The following PIAS2 variants were observed in gnomAD, a reference collection of about 807,000 sequenced individuals.
PIAS2 encodes the protein E3 SUMO-protein ligase PIAS2.
Under a neutral mutation model 69.7 loss-of-function variants are expected in PIAS2, and 19 were observed. That is an observed-to-expected ratio of 0.27 (90% CI 0.19 to 0.40). The LOEUF (loss-of-function observed/expected upper bound fraction) is 0.40. Ranked by LOEUF, PIAS2 falls within the 10% of genes least tolerant of loss-of-function variation. PIAS2 has a pLI of 1.00. For missense variants in PIAS2, 624 were observed against 757.0 expected, an observed-to-expected ratio of 0.82 and a Z score of 2.06; for synonymous variants, 261 against 263.2, an observed-to-expected ratio of 0.99 and a Z score of 0.08.
chr18:46,838,247 A>G (rs1197933648), intron 8 of PIAS2, among the ~76,000 whole-genome samples: 2 of 152,254 alleles, frequency 1.3e-5, no homozygotes, highest in African/African-American at 4.8e-5. Context: ...TGCAAGGTAC[A>G]GTGTTGACTA....
At chr18:46,893,553 A>T (rs2054382801) in intron 1 of PIAS2, 1 of 487,370 alleles carries the variant, frequency 2.1e-6, no homozygotes, top group South Asian at 8.9e-5. Flanking sequence ...AGACAAACAA[A>T]AAGTAAGAAA....
At chr18:46,894,012 G>A (rs914438836) in intron 1 of PIAS2, among the ~76,000 whole-genome samples, 1 of 152,096 alleles carries the variant, frequency 6.6e-6, no homozygotes, top group African/African-American at 2.4e-5. Context: ...TGTAGTCCCT[G>A]CTACTCGGGA....
At chr18:46,867,904 G>A (rs1451279236) in intron 2 of PIAS2, among the ~76,000 whole-genome samples, 2 of 152,132 alleles carry the variant, frequency 1.3e-5, no homozygotes, top group South Asian at 4.1e-4. Context: ...CTTGCTCTGT[G>A]GGGACACTCA....
chr18:46,897,037 C>G lies in PIAS2; in HGVS notation c.25-5983G>C, dbSNP rs138975253. Reference sequence around the variant, plus strand: ...CTTCTGAAGCTGTGTACTGGGGACACGAAGAATTTTCTATCATTGTAAATT... The same window carrying G: ...CTTCTGAAGCTGTGTACTGGGGACAGGAAGAATTTTCTATCATTGTAAATT... On this transcript the variant is annotated intron_variant, in intron 1 of 13. Coordinates refer to ENST00000585916, the MANE Select transcript of PIAS2 (RefSeq NM_004671.5). 2.4e-3 allele frequency among the ~76,000 whole-genome samples: 358 copies of G among 152,094 alleles called. 2 individuals are homozygous for G. The highest frequency in any genetic ancestry group is 8.2e-3 in the African/African-American group (340 of 41,478).
At chr18:46,825,340 G>C (rs188285908) in intron 11 of PIAS2, among the ~76,000 whole-genome samples, 1 of 152,174 alleles carries the variant, frequency 6.6e-6, no homozygotes, top group Non-Finnish European at 1.5e-5. Flanking sequence ...TGGGACAAAA[G>C]ATTAAATTTC....
Position 46,917,353 on chromosome 18 carries a change from C to T in PIAS2, c.-8G>A, listed in dbSNP as rs1265805153. ...CTCTTCGAAATCCGCCATTTTATAC[C>T]ACCCGCGGGCGCCGCCGCCGCTGCC... is the stretch of plus-strand genomic sequence containing the variant. On this transcript the variant is annotated 5_prime_UTR_variant, in exon 1 of 14. Transcript: ENST00000585916. The T allele has an allele frequency of 6.8e-7, 1 of 1,466,578 alleles. No homozygotes were observed. Among genetic ancestry groups the T allele is most frequent in the South Asian group, 1.3e-5 (1 of 77,100 alleles). The allele number at this position is 1,466,578 out of a possible 1,614,324, so 90.8% of individuals were successfully genotyped here.
At chr18:46,817,203 G>GTATC (rs766876440) in intron 12 of PIAS2, 65 of 964,472 alleles carry the variant, frequency 6.7e-5, no homozygotes, top group Non-Finnish European at 7.9e-5. Flanking sequence ...AATATTTGCT[G>GTATC]TATCTCTCAG....
intron 13 of PIAS2, among the ~76,000 whole-genome samples, chr18:46,813,624 G>A (rs1430715565): frequency 6.6e-6 from 1 of 152,104 alleles, no homozygotes; most frequent in African/African-American, 2.4e-5. Flanking sequence ...TAGAGACACT[G>A]GATTATGGAA....
chr18:46,889,398 C>T (rs1385765808), intron 2 of PIAS2, among the ~76,000 whole-genome samples: 1 of 151,994 alleles, frequency 6.6e-6, no homozygotes, highest in Non-Finnish European at 1.5e-5. Flanking sequence ...AACAATAAAA[C>T]AAACCAATTC....
chr18:46,818,033 A>T, intron 12 of PIAS2: 1 of 990,596 alleles, frequency 1.0e-6, no homozygotes, highest in Non-Finnish European at 1.2e-6. Flanking sequence ...GAAAATGCTC[A>T]ATTACTTTTA....
intron 2 of PIAS2, among the ~76,000 whole-genome samples, chr18:46,874,166 G>A (rs778304318): frequency 2.6e-5 from 4 of 152,148 alleles, no homozygotes; most frequent in East Asian, 1.9e-4. Context: ...ACTAATAAGC[G>A]AATCCTAAGA....
At position 46,805,323 on chromosome 18, in the gene PIAS2, A is replaced by G. The variant is rs1413203738; in HGVS notation, c.*7110T>C. On this transcript the variant is annotated 3_prime_UTR_variant, in exon 14 of 14. Coordinates refer to ENST00000585916, the MANE Select transcript of PIAS2 (RefSeq NM_004671.5). ...GAAAATGCTGGAGGTAAAGTAACCA[A>G]TACCTCACAGACCAACTTGGATAAA... is the stretch of plus-strand genomic sequence containing the variant. 3 of 152,262 alleles carry G rather than the reference A, an allele frequency of 2.0e-5. No individual in the cohort carries two copies. The highest frequency in any genetic ancestry group is 7.2e-5 in the African/African-American group (3 of 41,466). The allele number at this position is 152,262 out of a possible 1,614,324, so 9.4% of individuals were successfully genotyped here. A position where few individuals can be genotyped will look rare whatever the true frequency, so the allele number is the denominator to read the frequency against.
At chr18:46,905,604 G>C (rs1599046428) in intron 1 of PIAS2, among the ~76,000 whole-genome samples, 1 of 151,830 alleles carries the variant, frequency 6.6e-6, no homozygotes, top group East Asian at 1.9e-4. Flanking sequence ...AAGAAAAAAA[G>C]AAGGCATTTT....
intron 1 of PIAS2, chr18:46,893,410 C>G (rs1403433237): frequency 1.1e-6 from 1 of 934,082 alleles, no homozygotes; most frequent in Non-Finnish European, 1.3e-6. Context: ...AATGACAAAA[C>G]AAAGCACAAA....
At chr18:46,880,398 C>T (rs1236324957) in intron 2 of PIAS2, among the ~76,000 whole-genome samples, 1 of 151,964 alleles carries the variant, frequency 6.6e-6, no homozygotes, top group Non-Finnish European at 1.5e-5. Context: ...AAAAACAAAA[C>T]AAAACAAAAC....
intron 11 of PIAS2, among the ~76,000 whole-genome samples, chr18:46,821,785 T>C (rs571320140): frequency 1.3e-5 from 2 of 152,208 alleles, no homozygotes; most frequent in South Asian, 2.1e-4. Context: ...ATTAAACATA[T>C]GTAATAAATA....
rs781149306 is a variant in PIAS2 at position 46,855,330 on chromosome 18, T to C, written c.726+15A>G. 1 of 1,558,886 alleles carries C rather than the reference T, an allele frequency of 6.4e-7. No homozygotes were observed. Among genetic ancestry groups the C allele is most frequent in the Non-Finnish European group, 8.8e-7 (1 of 1,139,138 alleles). On this transcript the variant is annotated intron_variant, in intron 5 of 13. Transcript: ENST00000585916. ...TAAACTTATATGCAAATCTGGTGAA[T>C]AAAAAGCAACTTACAGGCAAAGGAA... is the stretch of plus-strand genomic sequence containing the variant.
At chr18:46,864,043 A>G in intron 3 of PIAS2, 121 bp downstream of exon 3, 1 of 558,636 alleles carries the variant, frequency 1.8e-6, no homozygotes. Context: ...AGAAGCCTCC[A>G]GCATTTTGAA....
chr18:46,810,832 T>C lies in PIAS2; in HGVS notation c.*1601A>G, dbSNP rs1017845596. 6.6e-6 allele frequency: 1 copy of C among 151,788 alleles called. No individual in the cohort carries two copies. The highest frequency in any genetic ancestry group is 6.6e-5 in the Admixed American group (1 of 15,248). The allele number at this position is 151,788 out of a possible 1,614,324, so 9.4% of individuals were successfully genotyped here. On this transcript the variant is annotated 3_prime_UTR_variant, in exon 14 of 14. Transcript: ENST00000585916. ...ATGTCCCTATTCTAACGGAAATTGA[T>C]GAGTCCACACCTGGGCACTTCAGTT... is the stretch of plus-strand genomic sequence containing the variant.
Sources: gnomAD v4.1 joint callset for allele counts (sites outside exome capture counted in the v4.1 genomes callset) on GRCh38, gnomAD v4.1.1 for gene constraint, MANE v1.5 for transcripts, NCBI Gene and HGNC (gene_info 2026-07-23, HGNC 2026-07-21) for gene names.